Variants in DZANK1 observed in about 807,000 individuals in gnomAD.
DZANK1 encodes the protein double zinc ribbon and ankyrin repeat-containing protein 1.
A neutral mutation model predicts 94.5 loss-of-function variants in DZANK1; 91 were observed. The ratio of observed to expected loss-of-function variants is 0.96; its 90% CI spans 0.81 to 1.15. The LOEUF (loss-of-function observed/expected upper bound fraction) is 1.15. Among genes scored for constraint, DZANK1 ranks in the 50% most tolerant of loss-of-function variants. The pLI, the probability that DZANK1 is intolerant of heterozygous loss-of-function variation, is 0.00. For missense variants in DZANK1, 903 were observed against 916.4 expected, an observed-to-expected ratio of 0.99 and a Z score of 0.19; for synonymous variants, 312 against 325.3, an observed-to-expected ratio of 0.96 and a Z score of 0.44.
chr20:18,452,515 A>G, intron 6 of DZANK1, 100 bp downstream of exon 6: 1 of 1,356,016 alleles, frequency 7.4e-7, no homozygotes, highest in Non-Finnish European at 9.9e-7. Flanking sequence ...TGCCTGGCAC[A>G]TGGTCAAAAG....
intron 3 of DZANK1, among the ~76,000 whole-genome samples, chr20:18,457,378 G>A (rs915925315): frequency 2.0e-5 from 3 of 152,178 alleles, no homozygotes; most frequent in Non-Finnish European, 2.9e-5. Context: ...TCAGGAGGCT[G>A]AGGCACAAGA....
chr20:18,424,969 A>C (rs1192028228), intron 10 of DZANK1, among the ~76,000 whole-genome samples: 3 of 152,252 alleles, frequency 2.0e-5, no homozygotes, highest in Non-Finnish European at 4.4e-5. Flanking sequence ...CTTCCATAAA[A>C]GACAAAATCA....
chr20:18,384,381 C>T (rs2048351573), exon 21 of DZANK1: 1 of 1,599,294 alleles, frequency 6.3e-7, no homozygotes, highest in East Asian at 2.2e-5. Flanking sequence ...TAAATGAAGT[C>T]CCGTGGAGGC....
At chr20:18,448,703 C>T (rs1429508356) in intron 7 of DZANK1, among the ~76,000 whole-genome samples, 2 of 151,918 alleles carry the variant, frequency 1.3e-5, no homozygotes, top group Non-Finnish European at 2.9e-5. Context: ...CCCGTCTCTA[C>T]TAAAAACACA....
At chr20:18,395,847 G>A (rs2056312168) in intron 15 of DZANK1, among the ~76,000 whole-genome samples, 2 of 152,158 alleles carry the variant, frequency 1.3e-5, no homozygotes, top group African/African-American at 2.4e-5. Context: ...ACATTCATGT[G>A]CATTAGCTCG....
In DZANK1 at chr20:18,397,919, G is replaced by C. The variant is rs181770124; in HGVS notation, c.1536+604C>G. 1.5e-4 allele frequency among the ~76,000 whole-genome samples: 23 copies of C among 152,246 alleles called. No homozygotes were observed. In the East Asian group the frequency reaches 4.2e-3, roughly 28 times the overall value. Reference sequence around the variant, plus strand: ...AGAGAAAGCCACATGACCTTATGTGGCCAAGCCCTGGAAGTCTCATGGCAT... The same window carrying C: ...AGAGAAAGCCACATGACCTTATGTGCCCAAGCCCTGGAAGTCTCATGGCAT... On this transcript the variant is annotated intron_variant, in intron 14 of 20. Transcript: ENST00000262547.
At chr20:18,429,642 C>T (rs1383406356) in intron 9 of DZANK1, among the ~76,000 whole-genome samples, 5 of 152,200 alleles carry the variant, frequency 3.3e-5, no homozygotes, top group African/African-American at 7.2e-5. Flanking sequence ...GCACTCACTC[C>T]GTTTAAATAC....
At chr20:18,403,796 CTTTTT>C (rs35824877) in intron 13 of DZANK1, among the ~76,000 whole-genome samples, 29 of 111,738 alleles carry the variant, frequency 2.6e-4, no homozygotes, top group Non-Finnish European at 4.1e-4. Flanking sequence ...AACTTTCTTT[CTTTTT>C]TTTTTTTTTT....
At chr20:18,430,975 T>C (rs1431873317) in intron 9 of DZANK1, among the ~76,000 whole-genome samples, 5 of 152,210 alleles carry the variant, frequency 3.3e-5, no homozygotes, top group African/African-American at 1.2e-4. Flanking sequence ...AATATGTTTC[T>C]GTGAATCTAG....
intron 13 of DZANK1, among the ~76,000 whole-genome samples, chr20:18,403,847 A>G (rs1191319432): frequency 1.6e-5 from 2 of 127,054 alleles, no homozygotes; most frequent in Non-Finnish European, 3.1e-5. Context: ...TTGCCCAGGT[A>G]GGAGTGCAGT....
chr20:18,432,579 G>A (rs1012429291), intron 9 of DZANK1: 2 of 152,210 alleles, frequency 1.3e-5, no homozygotes, highest in Non-Finnish European at 2.9e-5. Context: ...TCATGCTAAA[G>A]GGAGCTTGAA....
intron 15 of DZANK1, 122 bp downstream of exon 15, chr20:18,396,350 G>A: frequency 1.3e-6 from 1 of 768,918 alleles, no homozygotes; most frequent in South Asian, 1.8e-5. Flanking sequence ...CTTGCCTCTA[G>A]TAGCATTTCA....
At chr20:18,437,026 A>C (rs1237633307) in intron 8 of DZANK1, among the ~76,000 whole-genome samples, 1 of 152,148 alleles carries the variant, frequency 6.6e-6, no homozygotes, top group Non-Finnish European at 1.5e-5. Context: ...TACAAGAAAA[A>C]CTGAAGGAAG....
intron 10 of DZANK1, among the ~76,000 whole-genome samples, chr20:18,418,634 T>C (rs1436093818): frequency 3.9e-5 from 6 of 152,226 alleles, no homozygotes; most frequent in Non-Finnish European, 7.3e-5. Context: ...ATGATATATA[T>C]GCTTGCTTTT....
intron 5 of DZANK1, 121 bp from the exon 6 acceptor site, chr20:18,452,860 G>A (rs2059153208): frequency 3.9e-6 from 4 of 1,037,596 alleles, no homozygotes; most frequent in Admixed American, 3.1e-5. Flanking sequence ...TGCTTCCCTA[G>A]AAGTAACAAT....
chr20:18,416,901 T>C (rs1447879139), intron 10 of DZANK1, among the ~76,000 whole-genome samples: 3 of 152,148 alleles, frequency 2.0e-5, no homozygotes, highest in Non-Finnish European at 4.4e-5. Flanking sequence ...TGACCTTGGT[T>C]TCTAAATACA....
chr20:18,439,720 T>C (rs1246438054), intron 8 of DZANK1, among the ~76,000 whole-genome samples: 2 of 152,188 alleles, frequency 1.3e-5, no homozygotes, highest in African/African-American at 4.8e-5. Flanking sequence ...CTCTCACTAA[T>C]GTATTCCTTG....
chr20:18,409,647 A>G (rs1326294651), intron 13 of DZANK1, among the ~76,000 whole-genome samples: 1 of 152,088 alleles, frequency 6.6e-6, no homozygotes, highest in Non-Finnish European at 1.5e-5. Flanking sequence ...TTATAAATGC[A>G]TATTTCTTTT....
chr20:18,432,011 G>C (rs2058305974), intron 9 of DZANK1, among the ~76,000 whole-genome samples: 2 of 152,138 alleles, frequency 1.3e-5, no homozygotes, highest in Admixed American at 1.3e-4. Context: ...CTGCAAGAAA[G>C]AGGCCATTCC....
Sources: allele counts gnomAD v4.1 joint callset (sites outside exome capture counted in the v4.1 genomes callset), GRCh38; gene constraint gnomAD v4.1.1; transcripts MANE v1.5; gene names NCBI Gene and HGNC (gene_info 2026-07-23, HGNC 2026-07-21).